The following POLD1 variants were observed in gnomAD, a reference collection of about 807,000 sequenced individuals.
The protein encoded by POLD1 is DNA polymerase delta catalytic subunit.
Under a neutral mutation model 129.7 loss-of-function variants are expected in POLD1, and 79 were observed. The ratio of observed to expected loss-of-function variants is 0.61; its 90% CI spans 0.51 to 0.73. The LOEUF is 0.73. Ranked by LOEUF, POLD1 falls within the 30% of genes least tolerant of loss-of-function variation. POLD1 has a pLI of 0.00. For synonymous variants in POLD1, 714 were observed against 683.3 expected (o/e 1.04, Z -0.70); for missense variants, 1,338 against 1,595.8 (o/e 0.84, Z 2.75).
chr19:50,417,727 C>T (rs1044072659), intron 26 of POLD1, 115 bp from the exon 27 acceptor site: 5 of 343,022 alleles, frequency 1.5e-5, no homozygotes, highest in South Asian at 4.2e-5. Context: ...CGGGAGGGGG[C>T]GGGTGGGCTG....
chr19:50,402,414 C>A (rs1197270251), intron 6 of POLD1, 40 bp from the exon 7 acceptor site: 2 of 1,613,376 alleles, frequency 1.2e-6, no homozygotes, highest in Admixed American at 3.3e-5. Flanking sequence ...TATCCCCACC[C>A]TCGGGCAGCC....
In POLD1 at chr19:50,384,391, G is replaced by C. The variant is rs1064794875; in HGVS notation, c.-2+1G>C. On this transcript the variant is annotated splice_donor_variant, in intron 1 of 26. Transcript: ENST00000440232. LOFTEE classifies it low-confidence loss of function (5UTR_SPLICE). ...TGGCGGGAAACGCTGTTTGAAGCGG[G>C]TGAGTAGAGGGGAAAAAGGGAGTTC... 1 of 152,620 alleles carries C rather than the reference G, an allele frequency of 6.6e-6. No homozygotes were observed. The highest frequency in any genetic ancestry group is 1.5e-5 in the Non-Finnish European group (1 of 68,272). The allele number at this position is 152,620 out of a possible 1,614,324, so 9.5% of individuals were successfully genotyped here.
intron 10 of POLD1, among the ~76,000 whole-genome samples, chr19:50,404,574 C>CTTTTTTTTTT: frequency 1.3e-5 from 1 of 77,868 alleles, no homozygotes; most frequent in Non-Finnish European, 2.2e-5. Flanking sequence ...TTTTCTCTTT[C>CTTTTTTTTTT]TTTTTTTTTT....
In POLD1 at chr19:50,409,258, T is replaced by C. The variant is rs1198716570; in HGVS notation, c.2006+23T>C. On this transcript the variant is annotated intron_variant, in intron 16 of 26. Coordinates refer to ENST00000440232, the MANE Select transcript of POLD1 (RefSeq NM_002691.4). The surrounding 1 kb of genome is among the most constrained non-coding windows in gnomAD (Gnocchi z 5.8). ...GAGGTGAGCCCTGGAGATCGCCTGCTTGGAGCTCAGACCTGTTGGGGCCTC... is the reference window on the plus strand; with the variant it reads ...GAGGTGAGCCCTGGAGATCGCCTGCCTGGAGCTCAGACCTGTTGGGGCCTC... The C allele has an allele frequency of 6.5e-7, 1 of 1,533,414 alleles. No individual in the cohort carries two copies. The highest frequency in any genetic ancestry group is 1.4e-5 in the African/African-American group (1 of 73,232). The allele number at this position is 1,533,414 out of a possible 1,614,324, so 95.0% of individuals were successfully genotyped here.
At chr19:50,416,826 G>A in intron 24 of POLD1, 103 bp downstream of exon 24, 4 of 1,013,066 alleles carry the variant, frequency 3.9e-6, no homozygotes, top group Non-Finnish European at 2.8e-6. Flanking sequence ...CCACCCAGTG[G>A]GCCCAGGGCC....
rs2038676667 is a variant in POLD1 at position 50,402,274 on chromosome 19, T to C, written c.659T>C (p.Val220Ala). 1 of 1,606,444 alleles carries C rather than the reference T, an allele frequency of 6.2e-7. No homozygotes were observed. Residue 220 changes from valine (V) to alanine (A), a missense_variant, in exon 6 of 27, where the codon GTG (valine) becomes GCG (alanine). Physicochemically the swap from Val to Ala is moderately conservative, Grantham distance 64 (BLOSUM62 0). Coordinates refer to ENST00000440232, the MANE Select transcript of POLD1 (RefSeq NM_002691.4). Reference sequence around the variant, plus strand: ...ATCACCGTGGCGCTGCCGCGCCTCGTGGCCCCGGCCCGCCGTCTCCTGGAA... The same window carrying C: ...ATCACCGTGGCGCTGCCGCGCCTCGCGGCCCCGGCCCGCCGTCTCCTGGAA... ...LRITVALPRL[V>A]APARRLLEQG...
At position 50,409,183 on chromosome 19, in the gene POLD1, C is replaced by T. The variant is rs756335769; in HGVS notation, c.1954C>T (p.Arg652Trp). ...TGDEFVKTSV[R>W]KGLLPQILEN... is the part of the protein sequence containing the mutation. ...GGACGAGTTTGTGAAGACCTCAGTG[C>T]GGAAGGGGCTGCTGCCCCAGATCCT... Residue 652 changes from arginine to tryptophan, a missense_variant, in exon 16 of 27, where the codon CGG becomes TGG. Arg to Trp is a moderately radical substitution (Grantham distance 101, BLOSUM62 -3). This residue lies in a region of POLD1 where 720 missense variants were observed against 1,002.6 expected (regional missense o/e 0.72). Transcript: ENST00000440232. The surrounding 1 kb of genome is among the most constrained non-coding windows in gnomAD (Gnocchi z 5.8). 4 of 1,613,586 alleles carry T rather than the reference C, an allele frequency of 2.5e-6. No homozygotes were observed. Among genetic ancestry groups the T allele is most frequent in the Non-Finnish European group, 2.5e-6 (3 of 1,179,612 alleles).
chr19:50,384,474 G>A (rs1182892923), intron 1 of POLD1, 84 bp downstream of exon 1: 1 of 152,710 alleles, frequency 6.5e-6, no homozygotes, highest in Non-Finnish European at 1.5e-5. Context: ...AGATCTGAGA[G>A]ACGGTTGCGA....
Position 50,413,449 on chromosome 19 carries a change from G to C in POLD1, c.2178G>C (p.Gln726His), listed in dbSNP as rs747483140. 105 of 1,613,246 alleles carry C rather than the reference G, an allele frequency of 6.5e-5. No homozygotes were observed. The highest frequency in any genetic ancestry group is 7.7e-5 in the Non-Finnish European group (91 of 1,179,618). The stretch of plus-strand genomic sequence containing the variant: ...AGAGCGTCACGGGGTTCGGACGTCA[G>C]ATGATCGAGAAAACCAAGCAGCTGG... ...ISQSVTGFGR[Q>H]MIEKTKQLVE... The change falls in exon 18 of 27, where the codon CAG becomes CAC. Residue 726 changes from glutamine (Q) to histidine (H), a missense_variant. Around this residue, in one of 3 missense-constraint regions of POLD1, gnomAD observed 720 missense variants for 1,002.6 expected, o/e 0.72. Coordinates refer to ENST00000440232, the MANE Select transcript of POLD1 (RefSeq NM_002691.4).
At position 50,402,230 on chromosome 19, in the gene POLD1, C is replaced by T. The variant is rs947109063; in HGVS notation, c.615C>T (p.Gly205=). The part of the protein sequence containing the change: ...RESMFGYHGH[G]PSPFLRITVA... ...GCATGTTTGGGTACCACGGGCACGG[C>T]CCCTCCCCGTTCCTGCGCATCACCG... Residue 205 remains glycine (G), a synonymous_variant, in exon 6 of 27, where the codon GGC becomes GGT. Coordinates refer to ENST00000440232, the MANE Select transcript of POLD1 (RefSeq NM_002691.4). 1 of 1,589,314 alleles carries T rather than the reference C, an allele frequency of 6.3e-7. No individual in the cohort carries two copies. The highest frequency in any genetic ancestry group is 8.6e-7 in the Non-Finnish European group (1 of 1,166,782).
In POLD1 at chr19:50,414,862, G is replaced by C. The variant is rs878854537; in HGVS notation, c.2436G>C (p.Leu812=). ...TCAGCAAGAAGCGCTACGCGGGCCT[G>C]CTCTTCTCCTCCCGGCCCGACGCCC... ...LLISKKRYAG[L]LFSSRPDAHD... is the part of the protein sequence containing the mutation. Residue 812 remains leucine (L), a synonymous_variant, in exon 20 of 27, where the codon CTG becomes CTC. Transcript: ENST00000440232. 5.0e-6 allele frequency: 8 copies of C among 1,604,516 alleles called. No homozygotes were observed. The highest frequency in any genetic ancestry group is 6.8e-6 in the Non-Finnish European group (8 of 1,173,948).
chr19:50,412,498 G>T (rs1456938335), intron 17 of POLD1, among the ~76,000 whole-genome samples: 1 of 151,764 alleles, frequency 6.6e-6, no homozygotes, highest in Non-Finnish European at 1.5e-5. Flanking sequence ...TTCAGGAAAA[G>T]ATTACAAAGG....
chr19:50,417,658 C>T (rs975939132), intron 26 of POLD1, among the ~76,000 whole-genome samples, 184 bp from the exon 27 acceptor site: 77 of 149,100 alleles, frequency 5.2e-4, no homozygotes, highest in Admixed American at 4.8e-3. Context: ...GCCAGGCACC[C>T]GCTGTTATCG....
chr19:50,403,203 A>T lies in POLD1; in HGVS notation c.1121A>T (p.Glu374Val). The T allele has an allele frequency of 6.4e-7, 1 of 1,558,302 alleles. No individual in the cohort carries two copies. The highest frequency in any genetic ancestry group is 8.7e-7 in the Non-Finnish European group (1 of 1,150,124). The part of the protein sequence containing the change: ...LGAKVQSYEK[E>V]EDLLQAWSTF... The stretch of plus-strand genomic sequence containing the variant: ...GCCAAGGTGCAGAGCTACGAGAAGG[A>T]GGAGGACCTGCTGCAGGTAGCTCTC... Residue 374 changes from glutamate (E) to valine (V), a missense_variant, in exon 9 of 27, where the codon GAG becomes GTG. Physicochemically the swap from Glu to Val is moderately radical, Grantham distance 121. Transcript: ENST00000440232.
At chr19:50,411,011 G>T (rs377634190) in intron 17 of POLD1, 2 of 143,022 alleles carry the variant, frequency 1.4e-5, no homozygotes, top group African/African-American at 2.7e-5. Flanking sequence ...AGGCTGGAGC[G>T]CAGTGGCACA....
At chr19:50,400,403 TAG>T (rs945637284) in intron 3 of POLD1, among the ~76,000 whole-genome samples, 1 of 150,584 alleles carries the variant, frequency 6.6e-6, no homozygotes, top group African/African-American at 2.4e-5. Context: ...ATATTTTTAG[TAG>T]AGACAGGGTT....
chr19:50,398,643 C>T (rs575045068), intron 1 of POLD1, among the ~76,000 whole-genome samples: 15 of 148,946 alleles, frequency 1.0e-4, no homozygotes, highest in East Asian at 4.0e-4. Flanking sequence ...GTCGGGGAGT[C>T]GACGGGGCTG....
rs2122450133 is a variant in POLD1 at position 50,413,834 on chromosome 19, G to A, written c.2343G>A (p.Trp781Ter). ...CCCTGGGGCGGGAGGCCGCGGACTG[G>A]GTGTCAGGTCACTTCCCGTCGCCCA... is the stretch of plus-strand genomic sequence containing the variant. ...AMALGREAADWVSGHFPSPIR... is the reference protein window; with the variant it reads ...AMALGREAAD The change falls in exon 19 of 27, where the codon TGG becomes TGA. Residue 781 changes from tryptophan (W) to a stop codon, truncating the protein, a stop_gained. Coordinates refer to ENST00000440232, the MANE Select transcript of POLD1 (RefSeq NM_002691.4). LOFTEE classifies it high-confidence loss of function. 1 of 1,612,028 alleles carries A rather than the reference G, an allele frequency of 6.2e-7. No homozygotes were observed. The highest frequency in any genetic ancestry group is 8.5e-7 in the Non-Finnish European group (1 of 1,179,202).
At chr19:50,407,512 A>G (rs1006171804) in intron 14 of POLD1, 97 bp downstream of exon 14, 5 of 615,924 alleles carry the variant, frequency 8.1e-6, no homozygotes, top group Non-Finnish European at 1.0e-5. Flanking sequence ...CAGCCAGGGC[A>G]ACATAGCGAG....
Sources: gnomAD v4.1 joint callset for allele counts (sites outside exome capture counted in the v4.1 genomes callset) on GRCh38, gnomAD v4.1.1 for gene constraint, gnomAD v4.1.1 regional missense constraint, Gnocchi (gnomAD v3.1) non-coding constraint, MANE v1.5 for transcripts, NCBI Gene and HGNC (gene_info 2026-07-23, HGNC 2026-07-21) for gene names.